The following AGTPBP1 variants were observed in gnomAD, a reference collection of about 807,000 sequenced individuals.
AGTPBP1 encodes cytosolic carboxypeptidase 1.
In AGTPBP1, 70 loss-of-function variants were observed where a neutral mutation model predicts 143.9. The observed-to-expected ratio is 0.49, with a 90% CI of 0.40 to 0.59. The LOEUF (loss-of-function observed/expected upper bound fraction) is 0.59, where lower values mean the gene tolerates loss of function less well. Ranked by LOEUF, AGTPBP1 falls within the 20% of genes least tolerant of loss-of-function variation. The probability of loss-of-function intolerance (pLI) is 0.00; values close to 1 mark genes in which losing one functional copy is unlikely to be tolerated. For missense variants in AGTPBP1, 1,229 were observed against 1,464.5 expected (o/e 0.84, Z 2.62); for synonymous variants, 463 against 500.2 (o/e 0.93, Z 0.99).
chr9:85,786,674 A>G, the AGTPBP1 span: 4 of 1,312,220 alleles, frequency 3.0e-6, no homozygotes, highest in Non-Finnish European at 3.1e-6. Flanking sequence ...CTCTTTCCTC[A>G]GCATAAAGGA....
At chr9:85,795,905 G>C in the AGTPBP1 span, among the ~76,000 whole-genome samples, 13,829 of 117,364 alleles carry the variant, frequency 0.12, 2,552 homozygotes, top group African/African-American at 0.4. Context: ...TGTTTTTGAT[G>C]AGGTTGAAGA....
the AGTPBP1 span, among the ~76,000 whole-genome samples, chr9:85,772,711 C>T: frequency 2.0e-5 from 3 of 152,014 alleles, no homozygotes; most frequent in African/African-American, 4.8e-5. Flanking sequence ...TATGATTGCA[C>T]CACTGCACTC....
At chr9:85,717,762 T>C (rs1010016063) in intron 1 of AGTPBP1, among the ~76,000 whole-genome samples, 5 of 151,984 alleles carry the variant, frequency 3.3e-5, no homozygotes, top group African/African-American at 1.2e-4. Context: ...CATTGCCATG[T>C]TGGTTTGCCA....
In AGTPBP1 at chr9:85,674,067, G is replaced by A. The variant is rs532095349; in HGVS notation, c.437-1386C>T. On this transcript the variant is annotated intron_variant, in intron 6 of 25. Coordinates refer to ENST00000357081, the MANE Select transcript of AGTPBP1 (RefSeq NM_001330701.2). ...GAACCCAGGAGGAGGAGCTTGCAGT[G>A]AGCCGAGATCGTACCACTGCACTCC... Among the ~76,000 whole-genome samples the A allele has an allele frequency of 9.4e-5, 14 of 148,596 alleles. 1 individual carries two copies. In the South Asian group the frequency reaches 1.3e-3, roughly 14 times the overall value.
chr9:85,709,630 A>G (rs1837238648), intron 2 of AGTPBP1, among the ~76,000 whole-genome samples: 1 of 152,204 alleles, frequency 6.6e-6, no homozygotes, highest in Non-Finnish European at 1.5e-5. Context: ...AGGAGGAGGA[A>G]GAGATGAATG....
At chr9:85,780,013 T>A in the AGTPBP1 span, among the ~76,000 whole-genome samples, 1 of 152,192 alleles carries the variant, frequency 6.6e-6, no homozygotes, top group African/African-American at 2.4e-5. Flanking sequence ...TATGATCTCA[T>A]TAATTTTAAG....
At position 85,618,977 on chromosome 9, in the gene AGTPBP1, T is replaced by A. The variant is rs1385337669; in HGVS notation, c.2335+6A>T. On this transcript the variant is annotated splice_donor_region_variant and intron_variant, in intron 17 of 25. Coordinates refer to ENST00000357081, the MANE Select transcript of AGTPBP1 (RefSeq NM_001330701.2). ...CCATTTCAATTGGGAAAGAAAACTG[T>A]CTTACCATAATTAAACTGACTGTTG... is the stretch of plus-strand genomic sequence containing the variant. The A allele has an allele frequency of 6.2e-7, 1 of 1,608,726 alleles. No homozygotes were observed. The highest frequency in any genetic ancestry group is 1.3e-5 in the African/African-American group (1 of 74,592).
At chr9:85,628,180 A>C (rs1587772462) in intron 14 of AGTPBP1, among the ~76,000 whole-genome samples, 1 of 152,316 alleles carries the variant, frequency 6.6e-6, no homozygotes, top group South Asian at 2.1e-4. Flanking sequence ...TTATTGGGGA[A>C]GTCCTATACA....
chr9:85,643,468 A>G (rs1389404754), intron 12 of AGTPBP1, among the ~76,000 whole-genome samples: 2 of 152,200 alleles, frequency 1.3e-5, no homozygotes, highest in Non-Finnish European at 2.9e-5. Context: ...AACCAGTTAG[A>G]GTGATTCTGA....
intron 14 of AGTPBP1, among the ~76,000 whole-genome samples, chr9:85,622,258 G>A (rs1163602450): frequency 6.6e-6 from 1 of 152,198 alleles, no homozygotes; most frequent in African/African-American, 2.4e-5. Flanking sequence ...GGGTGAGAAA[G>A]TGTACCAAAA....
chr9:85,624,296 T>A (rs1402849735), intron 14 of AGTPBP1, among the ~76,000 whole-genome samples: 3 of 152,200 alleles, frequency 2.0e-5, no homozygotes, highest in Non-Finnish European at 4.4e-5. Flanking sequence ...CAGGATAGGC[T>A]CATGATATAG....
At position 85,590,388 on chromosome 9, in the gene AGTPBP1, C is replaced by A. The variant is rs73475755; in HGVS notation, c.2569-707G>T. Among the ~76,000 whole-genome samples, 826 of 152,112 alleles carry A rather than the reference C, an allele frequency of 5.4e-3. 5 individuals are homozygous for A. Among genetic ancestry groups the A allele is most frequent in the African/African-American group, 0.019 (781 of 41,494 alleles). ...TATATTCCTAATTATGAATACTATA[C>A]CACATCATTAAATATGTTAAATGTG... is the stretch of plus-strand genomic sequence containing the variant. On this transcript the variant is annotated intron_variant, in intron 19 of 25. Transcript: ENST00000357081.
rs748311632 is a variant in AGTPBP1 at position 85,633,187 on chromosome 9, A to G, written c.1490T>C (p.Leu497Pro). 3 of 1,613,380 alleles carry G rather than the reference A, an allele frequency of 1.9e-6. No homozygotes were observed. The highest frequency in any genetic ancestry group is 2.5e-6 in the Non-Finnish European group (3 of 1,179,848). ...ATTATCTTTAATATCTTCTTTTGCT[A>G]GATCCATAAAGGTAGACTTCTTTTC... ...EGEKKSTFMD[L>P]AKEDIKDNDR... The change falls in exon 14 of 26, where the codon CTA becomes CCA. Residue 497 changes from leucine to proline, a missense_variant. By Grantham distance (98) the Leu-to-Pro change is moderately conservative (BLOSUM62 -3). Coordinates refer to ENST00000357081, the MANE Select transcript of AGTPBP1 (RefSeq NM_001330701.2).
chr9:85,586,633 A>G (rs1349421027), intron 22 of AGTPBP1, among the ~76,000 whole-genome samples, 198 bp downstream of exon 22: 1 of 152,236 alleles, frequency 6.6e-6, no homozygotes, highest in African/African-American at 2.4e-5. Flanking sequence ...AAAAGTTACA[A>G]CCAAGAGTTA....
intron 1 of AGTPBP1, among the ~76,000 whole-genome samples, chr9:85,734,609 T>C (rs1839114553): frequency 6.6e-6 from 1 of 152,090 alleles, no homozygotes; most frequent in African/African-American, 2.4e-5. Flanking sequence ...AAACACAAAA[T>C]AGTAAGTGTT....
chr9:85,648,172 A>G (rs1003549488), intron 11 of AGTPBP1, among the ~76,000 whole-genome samples: 2 of 152,206 alleles, frequency 1.3e-5, no homozygotes, highest in African/African-American at 4.8e-5. Context: ...TTTGTCTATA[A>G]AATGGAGATA....
Position 85,655,263 on chromosome 9 carries a change from T to C in AGTPBP1, c.967A>G (p.Arg323Gly). ...PLVNTSSLIM[R>G]KCFPKNRLPL... ...AGTCGATTTTTTGGGAAACACTTCCTCATTATCAGACTGGAGGTATTGACA... is the reference window on the plus strand; with the variant it reads ...AGTCGATTTTTTGGGAAACACTTCCCCATTATCAGACTGGAGGTATTGACA... The change falls in exon 11 of 26, where the codon AGG becomes GGG. Residue 323 changes from arginine (R) to glycine (G), a missense_variant. Physicochemically the swap from Arg to Gly is moderately radical, Grantham distance 125. This residue lies in a region of AGTPBP1 where 743 missense variants were observed against 812.2 expected (regional missense o/e 0.91). Transcript: ENST00000357081. The C allele has an allele frequency of 6.3e-7, 1 of 1,580,424 alleles. No individual in the cohort carries two copies. The highest frequency in any genetic ancestry group is 8.6e-7 in the Non-Finnish European group (1 of 1,162,660).
rs771826725 is a variant in AGTPBP1, at chr9:85,681,283, C to G, written c.210G>C (p.Leu70=). 1 of 1,612,876 alleles carries G rather than the reference C, an allele frequency of 6.2e-7. No individual in the cohort carries two copies. The highest frequency in any genetic ancestry group is 1.1e-5 in the South Asian group (1 of 90,652). Residue 70 remains leucine (L), a synonymous_variant, in exon 4 of 26, where the codon CTG becomes CTC. Coordinates refer to ENST00000357081, the MANE Select transcript of AGTPBP1 (RefSeq NM_001330701.2). ...ACTGATTTACCTCTAATGTTGACAGCAGAATTTCCATTCCTGTAGAACCTT... is the reference window on the plus strand; with the variant it reads ...ACTGATTTACCTCTAATGTTGACAGGAGAATTTCCATTCCTGTAGAACCTT... ...TAKGSTGMEI[L]LSTLENTKDL... is the part of the protein sequence containing the mutation.
At position 85,741,864 on chromosome 9, in the gene AGTPBP1, G is replaced by A. The variant is rs1824325396; in HGVS notation, c.-123C>T. 2 of 1,396,548 alleles carry A rather than the reference G, an allele frequency of 1.4e-6. No homozygotes were observed. Among genetic ancestry groups the A allele is most frequent in the Non-Finnish European group, 1.9e-6 (2 of 1,077,272 alleles). 86.5% of individuals were successfully genotyped at this position (1,396,548 alleles called of 1,614,324 possible). On this transcript the variant is annotated 5_prime_UTR_variant, in exon 1 of 26. Transcript: ENST00000357081. ...CACGGCGGATCCCTCGCCGCCCGCC[G>A]CCCGGTGTTTTCATACAAACCCCGG...
Sources: gnomAD v4.1 joint callset for allele counts (sites outside exome capture counted in the v4.1 genomes callset) on GRCh38, gnomAD v4.1.1 for gene constraint, gnomAD v4.1.1 regional missense constraint, MANE v1.5 for transcripts, NCBI Gene and HGNC (gene_info 2026-07-23, HGNC 2026-07-21) for gene names.